NRG3: variants seen among roughly 807,000 people sequenced by gnomAD.
The protein encoded by NRG3 is pro-neuregulin-3, membrane-bound isoform.
NRG3 carries 31 observed loss-of-function variants against 66.9 expected under a neutral mutation model. The ratio of observed to expected loss-of-function variants is 0.46; its 90% CI spans 0.35 to 0.63. The LOEUF is 0.63. NRG3 is among the 20% of genes least tolerant of loss of function. The pLI is 0.00. For missense variants in NRG3, 910 were observed against 878.9 expected (o/e 1.04, Z -0.45); for synonymous variants, 393 against 359.4 (o/e 1.09, Z -1.06).
chr10:82,698,367 G>T (rs192404753), intron 2 of NRG3, among the ~76,000 whole-genome samples: 1 of 152,112 alleles, frequency 6.6e-6, no homozygotes, highest in Non-Finnish European at 1.5e-5. Flanking sequence ...TACACAAGAC[G>T]ATATGAGTAC....
chr10:82,069,418 G>C (rs10786851), intron 1 of NRG3, among the ~76,000 whole-genome samples: 25,649 of 152,132 alleles, frequency 0.17, 2,405 homozygotes, highest in East Asian at 0.33. Context: ...TACAATGGGT[G>C]AGGCACCGGG....
chr10:82,177,394 A>G (rs1589224730), intron 1 of NRG3, among the ~76,000 whole-genome samples: 1 of 152,194 alleles, frequency 6.6e-6, no homozygotes, highest in East Asian at 1.9e-4. Context: ...TTTTTAAAAG[A>G]AAAGGTTACT....
chr10:82,738,782 G>A, intron 3 of NRG3, 132 bp downstream of exon 3: 2 of 758,136 alleles, frequency 2.6e-6, no homozygotes, highest in South Asian at 3.2e-5. Context: ...AGAAGCTGAT[G>A]GCAGATGTTG....
intron 4 of NRG3, among the ~76,000 whole-genome samples, chr10:82,902,335 T>A (rs747490831): frequency 3.3e-5 from 5 of 152,148 alleles, no homozygotes; most frequent in African/African-American, 7.2e-5. Context: ...CCATAGAGGG[T>A]TAGTGAATAG....
chr10:82,340,297 G>A (rs532428405), intron 1 of NRG3, among the ~76,000 whole-genome samples: 13 of 152,126 alleles, frequency 8.5e-5, no homozygotes, highest in Admixed American at 2.6e-4. Context: ...CATAAAATGC[G>A]GAGCCACCAC....
intron 1 of NRG3, among the ~76,000 whole-genome samples, chr10:82,130,031 A>C (rs1250167590): frequency 6.6e-6 from 1 of 151,390 alleles, no homozygotes; most frequent in Non-Finnish European, 1.5e-5. Context: ...AGTAACCATC[A>C]TTCTACTCTC....
At chr10:82,374,519 C>G (rs562679435) in intron 2 of NRG3, among the ~76,000 whole-genome samples, 3 of 152,188 alleles carry the variant, frequency 2.0e-5, no homozygotes, top group Non-Finnish European at 4.4e-5. Context: ...ATCACGCATT[C>G]ATTGTTGAGA....
chr10:82,347,033 AT>A (rs1237975149), intron 1 of NRG3, among the ~76,000 whole-genome samples: 1 of 151,630 alleles, frequency 6.6e-6, no homozygotes, highest in Non-Finnish European at 1.5e-5. Flanking sequence ...GGATTCATTA[AT>A]TTTTTGAAGG....
chr10:82,810,169 A>G (rs2097495165), intron 3 of NRG3, among the ~76,000 whole-genome samples: 1 of 152,174 alleles, frequency 6.6e-6, no homozygotes, highest in South Asian at 2.1e-4. Flanking sequence ...ACAGTTAAAG[A>G]TATCAGCCCA....
At chr10:82,134,151 T>C (rs2069148297) in intron 1 of NRG3, among the ~76,000 whole-genome samples, 1 of 152,208 alleles carries the variant, frequency 6.6e-6, no homozygotes, top group Non-Finnish European at 1.5e-5. Flanking sequence ...TTATAGGTGC[T>C]GGATATTAGA....
At chr10:82,108,823 A>G (rs1287106903) in intron 1 of NRG3, among the ~76,000 whole-genome samples, 4 of 152,218 alleles carry the variant, frequency 2.6e-5, no homozygotes. Context: ...GCTCAGGCAG[A>G]AGAGTACCAT....
chr10:82,011,168 T>A (rs2061558558), intron 1 of NRG3, among the ~76,000 whole-genome samples: 1 of 152,120 alleles, frequency 6.6e-6, no homozygotes, highest in Non-Finnish European at 1.5e-5. Context: ...CAGTTCCACA[T>A]AGCTGGGGAG....
intron 3 of NRG3, among the ~76,000 whole-genome samples, chr10:82,835,983 C>T (rs2062755941): frequency 2.6e-5 from 4 of 152,270 alleles, no homozygotes; most frequent in Admixed American, 2.6e-4. Flanking sequence ...CTACCACCTT[C>T]AGGCCAAATC....
intron 3 of NRG3, among the ~76,000 whole-genome samples, chr10:82,808,038 G>A (rs1226756214): frequency 2.6e-5 from 4 of 151,608 alleles, no homozygotes; most frequent in Admixed American, 6.6e-5. Context: ...TCCCATTATC[G>A]TAAGGGGGTA....
At chr10:82,408,139 G>GA (rs202214247) in intron 2 of NRG3, among the ~76,000 whole-genome samples, 35 of 140,486 alleles carry the variant, frequency 2.5e-4, no homozygotes, top group African/African-American at 8.5e-4. Context: ...AAGAAAGAAA[G>GA]AAAGAAAAGA....
intron 2 of NRG3, among the ~76,000 whole-genome samples, chr10:82,432,348 TTG>T (rs1380241717): frequency 3.9e-5 from 6 of 152,166 alleles, no homozygotes; most frequent in African/African-American, 1.4e-4. Context: ...CATGTGATAT[TTG>T]TCTTTCTGTG....
chr10:82,433,735 A>C (rs2089963825), intron 2 of NRG3, among the ~76,000 whole-genome samples: 1 of 151,992 alleles, frequency 6.6e-6, no homozygotes, highest in East Asian at 1.9e-4. Flanking sequence ...TTTTTGTCAA[A>C]TTTGTTGAAG....
rs970069577 is a variant in NRG3, at chr10:82,379,843, T to A, written c.953+20975T>A. Among the ~76,000 whole-genome samples the A allele has an allele frequency of 3.9e-4, 58 of 148,176 alleles. 1 individual carries two copies. Among genetic ancestry groups the A allele is most frequent in the Non-Finnish European group, 4.4e-5 (3 of 67,560 alleles). ...AGTGGAATGGAAGCCTTAACAGTGA[T>A]GTTTGTAGGGCATAAAAAAAAAGGT... On this transcript the variant is annotated intron_variant, in intron 2 of 8. Transcript: ENST00000372141.
At chr10:82,340,233 C>T (rs1031855141) in intron 1 of NRG3, among the ~76,000 whole-genome samples, 7 of 152,164 alleles carry the variant, frequency 4.6e-5, no homozygotes, top group Non-Finnish European at 8.8e-5. Flanking sequence ...TATGCAAAGG[C>T]TGCATTAAGA....
Sources: gnomAD v4.1 joint callset for allele counts (sites outside exome capture counted in the v4.1 genomes callset) on GRCh38, gnomAD v4.1.1 for gene constraint, MANE v1.5 for transcripts, NCBI Gene and HGNC (gene_info 2026-07-23, HGNC 2026-07-21) for gene names.